Variants in SMAD9 observed in about 807,000 individuals in gnomAD.
The protein encoded by SMAD9 is SMAD family member 9.
In SMAD9, 36 loss-of-function variants were observed where a neutral mutation model predicts 46.1. The ratio of observed to expected loss-of-function variants is 0.78; its 90% CI spans 0.60 to 1.03. The LOEUF is 1.03. Ranked by LOEUF, SMAD9 falls within the 50% of genes least tolerant of loss-of-function variation. The probability of loss-of-function intolerance (pLI) is 0.00; values close to 1 mark genes in which losing one functional copy is unlikely to be tolerated. For missense variants in SMAD9, 572 were observed against 599.8 expected (o/e 0.95, Z 0.48); for synonymous variants, 245 against 237.1 (o/e 1.03, Z -0.31).
intron 5 of SMAD9, among the ~76,000 whole-genome samples, chr13:36,861,220 G>C (rs531773228): frequency 6.6e-6 from 1 of 152,206 alleles, no homozygotes; most frequent in African/African-American, 2.4e-5. Flanking sequence ...CAGCCATTTA[G>C]CTAATTTAAG....
At chr13:36,859,862 A>G (rs1345485440) in intron 5 of SMAD9, among the ~76,000 whole-genome samples, 2 of 152,128 alleles carry the variant, frequency 1.3e-5, no homozygotes, top group Non-Finnish European at 1.5e-5. Flanking sequence ...CAGGAGGCTG[A>G]GGCAGGAGAA....
At chr13:36,904,319 T>A (rs576226105) in intron 1 of SMAD9, among the ~76,000 whole-genome samples, 1 of 152,246 alleles carries the variant, frequency 6.6e-6, no homozygotes, top group Non-Finnish European at 1.5e-5. Flanking sequence ...CTTGCCTGGA[T>A]AATGATTTAC....
At chr13:36,852,532 A>G (rs2138277163) in intron 6 of SMAD9, 1 of 984,472 alleles carries the variant, frequency 1.0e-6, no homozygotes, top group Admixed American at 6.1e-5. Flanking sequence ...ATAAGATTCG[A>G]TATGAGAAAT....
At position 36,902,546 on chromosome 13, in the gene SMAD9, C is replaced by T. The variant is rs542454283; in HGVS notation, c.-187+17570G>A. ...TCAGCTCACAGCAACCTCTGCCTCC[C>T]GGGTTCAAGCGATTCTCCTGCCTCA... On this transcript the variant is annotated intron_variant, in intron 1 of 6. Coordinates refer to ENST00000379826, the MANE Select transcript of SMAD9 (RefSeq NM_001127217.3). Among the ~76,000 whole-genome samples, 31 of 152,044 alleles carry T rather than the reference C, an allele frequency of 2.0e-4. No individual in the cohort carries two copies. In the South Asian group the frequency reaches 2.7e-3, roughly 13 times the overall value.
intron 1 of SMAD9, among the ~76,000 whole-genome samples, chr13:36,896,045 G>A (rs1359791531): frequency 6.6e-6 from 1 of 152,100 alleles, no homozygotes; most frequent in African/African-American, 2.4e-5. Flanking sequence ...GTAAAAGGCG[G>A]AAAATTAACC....
At chr13:36,873,160 A>G (rs1016057210) in intron 2 of SMAD9, among the ~76,000 whole-genome samples, 2 of 152,340 alleles carry the variant, frequency 1.3e-5, no homozygotes, top group Non-Finnish European at 2.9e-5. Context: ...AATCTTAAGC[A>G]GAATGTCATA....
chr13:36,848,838 GCTGAGTGATGGTGCCACA>G lies in SMAD9; in HGVS notation c.1261-37_1261-20del, dbSNP rs746675116. 5 of 1,612,254 alleles carry G rather than the reference GCTGAGTGATGGTGCCACA, an allele frequency of 3.1e-6. No individual in the cohort carries two copies. In the Admixed American group the frequency reaches 8.3e-5, roughly 27 times the overall value. The stretch of plus-strand genomic sequence containing the variant: ...CCCAACCCTGAAAAACAAGAAAGGA[GCTGAGTGATGGTGCCACA>G]CTTACACTCAGCCTCCAGAGCCCCA... On this transcript the variant is annotated intron_variant, in intron 6 of 6. Transcript: ENST00000379826.
chr13:36,883,267 G>GAA (rs889666118), intron 1 of SMAD9, among the ~76,000 whole-genome samples: 2 of 149,818 alleles, frequency 1.3e-5, no homozygotes, highest in African/African-American at 4.9e-5. Flanking sequence ...AGCATTCACT[G>GAA]AAAAAAAAAC....
Position 36,853,623 on chromosome 13 carries a change from G to A in SMAD9, c.1056C>T (p.Asp352=). The part of the protein sequence containing the change: ...GGEVYAECVS[D]SSIFVQSRNC... ...TCCGGCTCTGCACAAAGATGCTGCT[G>A]TCACTCACGCACTCGGCATACACCT... Residue 352 remains aspartate (D), a synonymous_variant, in exon 6 of 7, where the codon GAC becomes GAT. Coordinates refer to ENST00000379826, the MANE Select transcript of SMAD9 (RefSeq NM_001127217.3). 1 of 1,614,080 alleles carries A rather than the reference G, an allele frequency of 6.2e-7. No homozygotes were observed. Among genetic ancestry groups the A allele is most frequent in the Non-Finnish European group, 8.5e-7 (1 of 1,179,974 alleles).
chr13:36,880,987 T>A lies in SMAD9; in HGVS notation c.-186-1112A>T, dbSNP rs547065669. ...TCTCAATAATTTTTAAAAGTGGAAATTTTCAAGACCCAAATGCATGAGAAC... is the reference window on the plus strand; with the variant it reads ...TCTCAATAATTTTTAAAAGTGGAAAATTTCAAGACCCAAATGCATGAGAAC... On this transcript the variant is annotated intron_variant, in intron 1 of 6. Transcript: ENST00000379826. 3.3e-5 allele frequency among the ~76,000 whole-genome samples: 5 copies of A among 152,270 alleles called. No homozygotes were observed. In the East Asian group the frequency reaches 9.7e-4, roughly 29 times the overall value.
chr13:36,845,560 T>G lies in SMAD9; in HGVS notation c.*3116A>C, dbSNP rs1049684863. ...GTCCGTGGCAACCTTAAACGTGTGC[T>G]GCAGTGCTGATGTATTTATAGGCTT... On this transcript the variant is annotated 3_prime_UTR_variant, in exon 7 of 7. Transcript: ENST00000379826. 6.6e-6 allele frequency: 1 copy of G among 152,240 alleles called. No individual in the cohort carries two copies. The highest frequency in any genetic ancestry group is 1.5e-5 in the Non-Finnish European group (1 of 68,046). 9.4% of individuals were successfully genotyped at this position (152,240 alleles called of 1,614,324 possible). A position where few individuals can be genotyped will look rare whatever the true frequency, so the allele number is the denominator to read the frequency against.
Position 36,848,626 on chromosome 13 carries a change from C to T in SMAD9, c.*50G>A. 1 of 1,566,714 alleles carries T rather than the reference C, an allele frequency of 6.4e-7. No individual in the cohort carries two copies. Among genetic ancestry groups the T allele is most frequent in the Non-Finnish European group, 8.8e-7 (1 of 1,136,874 alleles). On this transcript the variant is annotated 3_prime_UTR_variant, in exon 7 of 7. Transcript: ENST00000379826. ...TGCAAATCTGAAATGATACAAGCCA[C>T]TCCCTGCAATAGCCTCTATCCTATG... is the stretch of plus-strand genomic sequence containing the variant.
At chr13:36,874,854 C>CAAAAA (rs529721275) in intron 2 of SMAD9, among the ~76,000 whole-genome samples, 10 of 66,074 alleles carry the variant, frequency 1.5e-4, no homozygotes, top group African/African-American at 1.8e-4. Flanking sequence ...GACTCCGTCC[C>CAAAAA]AAAAAAAAAA....
chr13:36,862,463 A>C (rs2138357621), intron 5 of SMAD9, among the ~76,000 whole-genome samples: 1 of 137,120 alleles, frequency 7.3e-6, no homozygotes, highest in South Asian at 2.5e-4. Flanking sequence ...GCACCATGAC[A>C]GTTTACAGAT....
chr13:36,880,517 C>A (rs1284642450), intron 1 of SMAD9, among the ~76,000 whole-genome samples: 2 of 152,370 alleles, frequency 1.3e-5, no homozygotes, highest in East Asian at 1.9e-4. Flanking sequence ...AATCTCACCA[C>A]TCCTGGACAG....
chr13:36,899,040 T>C (rs1325003054), intron 1 of SMAD9, among the ~76,000 whole-genome samples: 3 of 151,460 alleles, frequency 2.0e-5, no homozygotes, highest in Non-Finnish European at 2.9e-5. Flanking sequence ...CAAAAAAAAA[T>C]TGAAAAAACT....
At position 36,845,358 on chromosome 13, in the gene SMAD9, A is replaced by C. The variant is rs2058032362; in HGVS notation, c.*3318T>G. ...AAAACATAAGGTATATGTGTTAAGTAGTGACATCTTTATAGTTCCAAAGCA... is the reference window on the plus strand; with the variant it reads ...AAAACATAAGGTATATGTGTTAAGTCGTGACATCTTTATAGTTCCAAAGCA... On this transcript the variant is annotated 3_prime_UTR_variant, in exon 7 of 7. Transcript: ENST00000379826. 6.6e-6 allele frequency: 1 copy of C among 152,228 alleles called. No homozygotes were observed. Among genetic ancestry groups the C allele is most frequent in the African/African-American group, 2.4e-5 (1 of 41,456 alleles). 9.4% of individuals were successfully genotyped at this position (152,228 alleles called of 1,614,324 possible).
intron 2 of SMAD9, 43 bp downstream of exon 2, chr13:36,879,235 C>T: frequency 3.2e-6 from 5 of 1,573,834 alleles, no homozygotes; most frequent in Non-Finnish European, 4.4e-6. Context: ...GGCACACGAC[C>T]TTCACTCTGA....
At chr13:36,854,385 T>G (rs77142586) in intron 5 of SMAD9, among the ~76,000 whole-genome samples, 1 of 151,792 alleles carries the variant, frequency 6.6e-6, no homozygotes, top group Non-Finnish European at 1.5e-5. Flanking sequence ...TTTTTTTTTT[T>G]GAGACGGAGT....
Sources: gnomAD v4.1 joint callset for allele counts (sites outside exome capture counted in the v4.1 genomes callset) on GRCh38, gnomAD v4.1.1 for gene constraint, MANE v1.5 for transcripts, NCBI Gene and HGNC (gene_info 2026-07-23, HGNC 2026-07-21) for gene names.